PLCG2: variants seen among roughly 807,000 people sequenced by gnomAD.
PLCG2 encodes the protein phospholipase C gamma 2.
In PLCG2, 69 loss-of-function variants were observed where a neutral mutation model predicts 175.6. That is an observed-to-expected ratio of 0.39 (90% CI 0.32 to 0.48). The LOEUF (loss-of-function observed/expected upper bound fraction) is 0.48, where lower values mean the gene tolerates loss of function less well. PLCG2 is among the 20% of genes least tolerant of loss of function. PLCG2 has a pLI of 0.91. For missense variants in PLCG2, 1,798 were observed against 1,650.9 expected, an observed-to-expected ratio of 1.09 and a Z score of -1.54; for synonymous variants, 827 against 624.0, an observed-to-expected ratio of 1.33 and a Z score of -4.85.
At chr16:81,750,685 T>TTTTTTTTTTTTTTA (rs869211052) in intron 1 of PLCG2, among the ~76,000 whole-genome samples, 4 of 128,646 alleles carry the variant, frequency 3.1e-5, no homozygotes, top group Non-Finnish European at 3.2e-5. Flanking sequence ...TTTTTTTTTT[T>TTTTTTTTTTTTTTA]GAGATAGAGT....
Position 81,912,584 on chromosome 16 carries a change from C to T in PLCG2, c.1935-13C>T, listed in dbSNP as rs1213531367. 1.9e-6 allele frequency: 3 copies of T among 1,612,054 alleles called. No individual in the cohort carries two copies. The highest frequency in any genetic ancestry group is 2.5e-6 in the Non-Finnish European group (3 of 1,179,608). ...CCGCTCACCTGGTCGTTTTCCCTGG[C>T]CCTGTGCCGCAGGTGGTACTATGAC... is the stretch of plus-strand genomic sequence containing the variant. On this transcript the variant is annotated splice_polypyrimidine_tract_variant and intron_variant, in intron 18 of 32. Coordinates refer to ENST00000564138, the MANE Select transcript of PLCG2 (RefSeq NM_002661.5).
intron 2 of PLCG2, among the ~76,000 whole-genome samples, chr16:81,789,820 C>A (rs1195989393): frequency 2.0e-5 from 3 of 151,350 alleles, no homozygotes; most frequent in Non-Finnish European, 2.9e-5. Flanking sequence ...CTTTCCCTTT[C>A]TTTCTCCTTC....
chr16:81,878,127 C>T lies in PLCG2; in HGVS notation c.649-2783C>T, dbSNP rs181784439. Among the ~76,000 whole-genome samples the T allele has an allele frequency of 1.6e-4, 25 of 151,732 alleles. No homozygotes were observed. In the East Asian group the frequency reaches 4.3e-3, roughly 26 times the overall value. On this transcript the variant is annotated intron_variant, in intron 7 of 32. Coordinates refer to ENST00000564138, the MANE Select transcript of PLCG2 (RefSeq NM_002661.5). Reference sequence around the variant, plus strand: ...CTCCCGAGTAGCTGGGGACTACAGGCGCCCACCACCACGCCTGGCTAATTT... The same window carrying T: ...CTCCCGAGTAGCTGGGGACTACAGGTGCCCACCACCACGCCTGGCTAATTT...
chr16:81,775,133 A>C (rs1194194480), upstream of PLCG2, among the ~76,000 whole-genome samples: 2 of 152,186 alleles, frequency 1.3e-5, no homozygotes, highest in African/African-American at 4.8e-5. Context: ...CAGAGGCTTC[A>C]GCACATTCAC....
chr16:81,909,985 T>TTA (rs1909545607), intron 17 of PLCG2, among the ~76,000 whole-genome samples: 1 of 143,514 alleles, frequency 7.0e-6, no homozygotes, highest in Non-Finnish European at 1.5e-5. Context: ...AGAGAAGCAG[T>TTA]TATATATATA....
At chr16:81,887,972 G>A (rs1287318784) in intron 9 of PLCG2, among the ~76,000 whole-genome samples, 1 of 152,144 alleles carries the variant, frequency 6.6e-6, no homozygotes, top group African/African-American at 2.4e-5. Context: ...AGCCCTGTTT[G>A]CCTATTCTTT....
intron 1 of PLCG2, among the ~76,000 whole-genome samples, chr16:81,780,422 C>T (rs1314621327): frequency 1.3e-5 from 2 of 152,204 alleles, no homozygotes; most frequent in African/African-American, 4.8e-5. Flanking sequence ...CAAGGGCATT[C>T]TCTGGGGCAT....
At chr16:81,900,386 G>A (rs1056337762) in intron 13 of PLCG2, among the ~76,000 whole-genome samples, 69 of 152,374 alleles carry the variant, frequency 4.5e-4, no homozygotes, top group African/African-American at 1.6e-3. Context: ...GCATTCTGGG[G>A]TATGGGGAAG....
intron 30 of PLCG2, among the ~76,000 whole-genome samples, chr16:81,944,816 T>C (rs1911086401): frequency 6.6e-6 from 1 of 152,094 alleles, no homozygotes; most frequent in Non-Finnish European, 1.5e-5. Flanking sequence ...CCTCCAAGGA[T>C]TTTGGTATCT....
At chr16:81,946,045 G>A (rs987934782) in intron 30 of PLCG2, 130 bp from the exon 31 acceptor site, 5 of 710,640 alleles carry the variant, frequency 7.0e-6, no homozygotes, top group Non-Finnish European at 1.3e-5. Context: ...CACAAAGTCA[G>A]CCCCCAGCAT....
At chr16:81,839,239 A>G (rs907722364) in intron 2 of PLCG2, among the ~76,000 whole-genome samples, 1 of 152,252 alleles carries the variant, frequency 6.6e-6, no homozygotes, top group African/African-American at 2.4e-5. Context: ...AAATAGTATC[A>G]GCAGTAGGCA....
chr16:81,912,398 T>G lies in PLCG2; in HGVS notation c.1935-199T>G, dbSNP rs1341093180. Among the ~76,000 whole-genome samples the G allele has an allele frequency of 2.6e-5, 4 of 152,244 alleles. No homozygotes were observed. In the East Asian group the frequency reaches 5.8e-4, roughly 22 times the overall value. ...TTATTTTGGGCTTGAAACAGACCCC[T>G]GGGGTCTTCCACTATTCTTTTCACA... On this transcript the variant is annotated intron_variant, in intron 18 of 32. Transcript: ENST00000564138.
intron 7 of PLCG2, among the ~76,000 whole-genome samples, chr16:81,873,931 G>T (rs1236057222): frequency 6.6e-6 from 1 of 152,134 alleles, no homozygotes; most frequent in Non-Finnish European, 1.5e-5. Context: ...TAGTCTGTGT[G>T]TTTGTGTCTA....
intron 2 of PLCG2, among the ~76,000 whole-genome samples, chr16:81,825,584 C>T (rs960306079): frequency 3.9e-5 from 6 of 151,988 alleles, no homozygotes; most frequent in South Asian, 2.1e-4. Flanking sequence ...CGTGAGCCAC[C>T]GCGCCCAGCC....
chr16:81,805,761 T>G (rs1911979930), intron 2 of PLCG2, among the ~76,000 whole-genome samples: 1 of 94,408 alleles, frequency 1.1e-5, no homozygotes, highest in Non-Finnish European at 2.4e-5. Context: ...AGTAGTGTTT[T>G]GTTTTGTTTT....
At position 81,958,766 on chromosome 16, in the gene PLCG2, C is replaced by G. The variant is rs1426477180; in HGVS notation, c.*768C>G. 3 of 221,282 alleles carry G rather than the reference C, an allele frequency of 1.4e-5. No homozygotes were observed. The highest frequency in any genetic ancestry group is 2.7e-5 in the Non-Finnish European group (3 of 110,566). The allele number at this position is 221,282 out of a possible 1,614,324, so 13.7% of individuals were successfully genotyped here. On this transcript the variant is annotated 3_prime_UTR_variant, in exon 33 of 33. Coordinates refer to ENST00000564138, the MANE Select transcript of PLCG2 (RefSeq NM_002661.5). The stretch of plus-strand genomic sequence containing the variant: ...CAGCTGCTGGGAGGCTCTGGCCCCA[C>G]TAGTCCCTCATGGCCCTACTGAACT...
chr16:81,927,118 C>T lies in PLCG2; in HGVS notation c.2454C>T (p.Tyr818=), dbSNP rs771664373. The change falls in exon 23 of 33, where the codon TAC becomes TAT. Residue 818 remains tyrosine (Y), a synonymous_variant. Transcript: ENST00000564138. ...ACTATGGAACCAGGATCCAGCAGTA[C>T]TTCCCATCCAACTACGTCGAGGACA... The part of the protein sequence containing the change: ...KGDYGTRIQQ[Y]FPSNYVEDIS... 6.8e-6 allele frequency: 11 copies of T among 1,613,746 alleles called. No individual in the cohort carries two copies. The African/African-American group carries it at 1.2e-4, about 18-fold the overall frequency.
At chr16:81,809,532 C>T (rs1904299992) in intron 2 of PLCG2, among the ~76,000 whole-genome samples, 1 of 152,214 alleles carries the variant, frequency 6.6e-6, no homozygotes, top group African/African-American at 2.4e-5. Flanking sequence ...GGATAGCCCC[C>T]AAATAAACTC....
chr16:81,834,562 C>G (rs1320952897), intron 2 of PLCG2, among the ~76,000 whole-genome samples: 1 of 150,824 alleles, frequency 6.6e-6, no homozygotes, highest in Non-Finnish European at 1.5e-5. Flanking sequence ...GAGCACTCGT[C>G]ACGTGGTTGA....
Sources: allele counts gnomAD v4.1 joint callset (sites outside exome capture counted in the v4.1 genomes callset), GRCh38; gene constraint gnomAD v4.1.1; transcripts MANE v1.5; gene names NCBI Gene and HGNC (gene_info 2026-07-23, HGNC 2026-07-21).